Variants in PSPC1 observed in about 807,000 individuals in gnomAD.
The protein encoded by PSPC1 is paraspeckle component 1, also known as paraspeckle protein 1.
In PSPC1, 14 loss-of-function variants were observed where a neutral mutation model predicts 51.6. That is an observed-to-expected ratio of 0.27 (90% confidence interval 0.18 to 0.42). PSPC1 has a LOEUF of 0.42. Ranked by LOEUF, PSPC1 falls within the 10% of genes least tolerant of loss-of-function variation. The pLI is 1.00. For synonymous variants in PSPC1, 193 were observed against 231.9 expected (o/e 0.83, Z 1.53); for missense variants, 406 against 701.1 (o/e 0.58, Z 4.75).
Position 19,751,364 on chromosome 13 carries a change from G to T in PSPC1, c.874C>A (p.Gln292Lys). 6.3e-7 allele frequency: 1 copy of T among 1,591,768 alleles called. No individual in the cohort carries two copies. ...LDEMEKQQRE[Q>K]VDRNIREAKE... ...GCTTCTCTGATGTTTCTATCAACCT[G>T]CTCACGCTGCTGCTTTTCCATTTCA... Residue 292 changes from glutamine (Q) to lysine (K), a missense_variant, in exon 4 of 9, where the codon CAG (glutamine) becomes AAG (lysine). Gln to Lys is a moderately conservative substitution (Grantham distance 53). Coordinates refer to ENST00000338910, the MANE Select transcript of PSPC1 (RefSeq NM_001354909.2).
At chr13:19,671,915 T>C (rs779277000), downstream of PSPC1, 22 of 1,597,676 alleles carry the variant, frequency 1.4e-5, no homozygotes, top group Admixed American at 1.7e-4. Flanking sequence ...TTCAGACCGA[T>C]TCCTATACTC....
chr13:19,742,676 T>G (rs1593682884), intron 4 of PSPC1, among the ~76,000 whole-genome samples: 1 of 151,848 alleles, frequency 6.6e-6, no homozygotes, highest in South Asian at 2.1e-4. Context: ...GAGGCGGAGG[T>G]TGCAGTGAGC....
chr13:19,774,818 AC>A (rs66461867), intron 1 of PSPC1, among the ~76,000 whole-genome samples: 34 of 145,104 alleles, frequency 2.3e-4, no homozygotes, highest in Non-Finnish European at 2.4e-4. Context: ...AAAAAAAAAA[AC>A]AAAAAAAAAA....
At chr13:19,764,239 C>T (rs1229803520) in intron 2 of PSPC1, among the ~76,000 whole-genome samples, 2 of 152,104 alleles carry the variant, frequency 1.3e-5, no homozygotes, top group African/African-American at 2.4e-5. Context: ...CCACTTAAGA[C>T]TTGCCTTTCT....
downstream of PSPC1, chr13:19,672,101 A>G (rs944247688): frequency 3.6e-6 from 2 of 559,080 alleles, no homozygotes; most frequent in Non-Finnish European, 6.4e-6. Flanking sequence ...TTTTTCCACA[A>G]TGTGGATAGT....
At chr13:19,721,142 C>CAA (rs1882720965) in intron 6 of PSPC1, among the ~76,000 whole-genome samples, 1 of 152,054 alleles carries the variant, frequency 6.6e-6, no homozygotes, top group South Asian at 2.1e-4. Context: ...ACTGACTAGC[C>CAA]TAAAATATAA....
chr13:19,767,800 G>A (rs1262598157), intron 2 of PSPC1, among the ~76,000 whole-genome samples: 1 of 152,082 alleles, frequency 6.6e-6, no homozygotes, highest in Admixed American at 6.6e-5. Flanking sequence ...CATGAGAAAA[G>A]CTCTGCAATC....
intron 6 of PSPC1, among the ~76,000 whole-genome samples, chr13:19,693,970 A>AG (rs767227724): frequency 6.6e-6 from 1 of 151,812 alleles, no homozygotes; most frequent in Non-Finnish European, 1.5e-5. Flanking sequence ...AAAAATACAA[A>AG]AAATTAGCCG....
chr13:19,714,188 T>C (rs899992276), intron 6 of PSPC1, among the ~76,000 whole-genome samples: 3 of 152,178 alleles, frequency 2.0e-5, no homozygotes, highest in Non-Finnish European at 2.9e-5. Context: ...CATTCTGAAG[T>C]AGGATGGTTA....
intron 3 of PSPC1, among the ~76,000 whole-genome samples, chr13:19,757,596 C>G (rs1401703728): frequency 6.6e-6 from 1 of 152,144 alleles, no homozygotes; most frequent in Non-Finnish European, 1.5e-5. Context: ...AATATCCTCT[C>G]CATAGGACAT....
chr13:19,695,863 T>G (rs1245046456), intron 6 of PSPC1, among the ~76,000 whole-genome samples: 1 of 151,898 alleles, frequency 6.6e-6, no homozygotes, highest in Non-Finnish European at 1.5e-5. Context: ...CAGGAAAAAC[T>G]GTGAAAAAGT....
chr13:19,730,342 T>C lies in PSPC1; in HGVS notation c.1055A>G (p.His352Arg). Reference sequence around the variant, plus strand: ...CTCACGCCGCCGATGCTCCTCTTCATGTCTGAAAATTTTTCAAATAAAAAT... The same window carrying C: ...CTCACGCCGCCGATGCTCCTCTTCACGTCTGAAAATTTTTCAAATAAAAAT... ...LQKRKQIQLR[H>R]EEEHRRREEE... is the part of the protein sequence containing the mutation. Residue 352 changes from histidine to arginine, a missense_variant and splice_region_variant, in exon 6 of 9, where the codon CAT (histidine) becomes CGT (arginine). Coordinates refer to ENST00000338910, the MANE Select transcript of PSPC1 (RefSeq NM_001354909.2). 1.9e-6 allele frequency: 3 copies of C among 1,613,988 alleles called. No homozygotes were observed. The highest frequency in any genetic ancestry group is 2.5e-6 in the Non-Finnish European group (3 of 1,179,964).
intron 6 of PSPC1, among the ~76,000 whole-genome samples, chr13:19,713,544 C>CGAA (rs1250728037): frequency 0.15 from 984 of 6,536 alleles, 13 homozygotes; most frequent in Non-Finnish European, 0.27. Flanking sequence ...TCCCAGACAG[C>CGAA]CAAAAAAAAA....
chr13:19,703,168 C>G lies in PSPC1; in HGVS notation c.*7G>C, dbSNP rs747934572. On this transcript the variant is annotated 3_prime_UTR_variant, in exon 9 of 9. Transcript: ENST00000338910. Reference sequence around the variant, plus strand: ...TTTTTTCTAGATAGCCAGGAATGAACGAATGTTTAATATCTACGACGCTTA... The same window carrying G: ...TTTTTTCTAGATAGCCAGGAATGAAGGAATGTTTAATATCTACGACGCTTA... 1 of 1,612,094 alleles carries G rather than the reference C, an allele frequency of 6.2e-7. No homozygotes were observed. Among genetic ancestry groups the G allele is most frequent in the South Asian group, 1.1e-5 (1 of 90,972 alleles).
At chr13:19,780,020 C>T (rs1889749023) in intron 1 of PSPC1, among the ~76,000 whole-genome samples, 3 of 140,926 alleles carry the variant, frequency 2.1e-5, no homozygotes, top group Non-Finnish European at 4.7e-5. Context: ...GGGGGGTCAG[C>T]CCCCCTGCCC....
chr13:19,744,229 G>T (rs1885721351), intron 4 of PSPC1, among the ~76,000 whole-genome samples: 1 of 151,996 alleles, frequency 6.6e-6, no homozygotes, highest in South Asian at 2.1e-4. Flanking sequence ...TCAAAAACCT[G>T]GGCTCAAGAG....
chr13:19,706,547 G>T (rs1408374143), intron 7 of PSPC1, among the ~76,000 whole-genome samples: 1 of 151,110 alleles, frequency 6.6e-6, no homozygotes, highest in African/African-American at 2.4e-5. Flanking sequence ...CCATAAATGG[G>T]GACAACCTGA....
At chr13:19,776,593 C>T (rs1172840067) in intron 1 of PSPC1, among the ~76,000 whole-genome samples, 3 of 151,854 alleles carry the variant, frequency 2.0e-5, no homozygotes, top group South Asian at 2.1e-4. Flanking sequence ...CTGCAAGCTC[C>T]GCCTCCTGGG....
intron 1 of PSPC1, among the ~76,000 whole-genome samples, chr13:19,778,389 C>T (rs1159461704): frequency 3.2e-4 from 33 of 102,560 alleles, no homozygotes; most frequent in African/African-American, 1.3e-3. Flanking sequence ...CCCTCCCCCT[C>T]CCCCTCCCTC....
Sources: gnomAD v4.1 joint callset for allele counts (sites outside exome capture counted in the v4.1 genomes callset) on GRCh38, gnomAD v4.1.1 for gene constraint, MANE v1.5 for transcripts, NCBI Gene and HGNC (gene_info 2026-07-23, HGNC 2026-07-21) for gene names.